Variants in SLC25A25 observed in about 807,000 individuals in gnomAD.
SLC25A25 encodes solute carrier family 25 member 25, also known as mitochondrial adenyl nucleotide antiporter SLC25A25.
SLC25A25 carries 32 observed loss-of-function variants against 57.7 expected under a neutral mutation model. That is an observed-to-expected ratio of 0.55 (90% CI 0.42 to 0.74). The LOEUF (loss-of-function observed/expected upper bound fraction) is 0.74, where lower values mean the gene tolerates loss of function less well. SLC25A25 is among the 30% of genes least tolerant of loss of function. The pLI, the probability that SLC25A25 is intolerant of heterozygous loss-of-function variation, is 0.00. For synonymous variants in SLC25A25, 306 were observed against 291.2 expected, an observed-to-expected ratio of 1.05 and a Z score of -0.52; for missense variants, 556 against 701.3, an observed-to-expected ratio of 0.79 and a Z score of 2.34.
Position 128,076,438 on chromosome 9 carries a change from T to TTTTTA in SLC25A25, c.261+7862_261+7863insATTTT, listed in dbSNP as rs1564177932. 4.4e-3 allele frequency among the ~76,000 whole-genome samples: 595 copies of TTTTTA among 136,190 alleles called. 16 individuals carry two copies. Among genetic ancestry groups the TTTTTA allele is most frequent in the East Asian group, 0.024 (116 of 4,920 alleles). The allele number at this position is 136,190 out of a possible 152,430, so 89.3% of individuals were successfully genotyped here. A position where few individuals can be genotyped will look rare whatever the true frequency, so the allele number is the denominator to read the frequency against. Reference sequence around the variant, plus strand: ...GAGCCACCACGCCCAGCCTAACTTTTTTTTTATTTTTATTTTTATTTTTAT... The same window carrying TTTTTA: ...GAGCCACCACGCCCAGCCTAACTTTTTTTTATTTTTATTTTTATTTTTATTTTTAT... On this transcript the variant is annotated intron_variant, in intron 1 of 10. Transcript: ENST00000373069.
At chr9:128,092,285 A>G (rs1311596476) in intron 1 of SLC25A25, among the ~76,000 whole-genome samples, 2 of 152,166 alleles carry the variant, frequency 1.3e-5, no homozygotes, top group Non-Finnish European at 2.9e-5. Context: ...TGCATTACCC[A>G]CTGCGAGCAC....
At chr9:128,077,595 A>G (rs535035730) in intron 1 of SLC25A25, among the ~76,000 whole-genome samples, 1 of 152,060 alleles carries the variant, frequency 6.6e-6, no homozygotes, top group South Asian at 2.1e-4. Flanking sequence ...AGAAGTCTAC[A>G]GAGACAGAAA....
intron 8 of SLC25A25, 26 bp downstream of exon 8, chr9:128,106,283 C>T (rs544696212): frequency 1.1e-5 from 17 of 1,614,008 alleles, no homozygotes; most frequent in East Asian, 2.2e-5. Flanking sequence ...GGTCCTGGGG[C>T]GGGCAGTGGG....
At chr9:128,077,755 G>C (rs1481151974) in intron 1 of SLC25A25, among the ~76,000 whole-genome samples, 3 of 151,846 alleles carry the variant, frequency 2.0e-5, no homozygotes, top group Non-Finnish European at 4.4e-5. Context: ...GAGAACCACT[G>C]AACTGTATAC....
intron 10 of SLC25A25, 34 bp downstream of exon 10, chr9:128,107,213 C>G: frequency 1.9e-6 from 3 of 1,612,342 alleles, no homozygotes; most frequent in Non-Finnish European, 2.5e-6. Flanking sequence ...CCTGGGAGGT[C>G]GGGGGGAGCG....
intron 1 of SLC25A25, among the ~76,000 whole-genome samples, chr9:128,075,043 G>C (rs1341870621): frequency 6.6e-6 from 1 of 152,182 alleles, no homozygotes; most frequent in East Asian, 1.9e-4. Flanking sequence ...AAGAGGCTGA[G>C]GGAAAATTGC....
At chr9:128,106,565 C>A in intron 9 of SLC25A25, 45 bp downstream of exon 9, 1 of 1,529,396 alleles carries the variant, frequency 6.5e-7, no homozygotes. Flanking sequence ...TCCCAGCACA[C>A]CTCCACCTGC....
At position 128,105,628 on chromosome 9, in the gene SLC25A25, C is replaced by T. The variant is rs116657520; in HGVS notation, c.784-101C>T. On this transcript the variant is annotated intron_variant, in intron 6 of 10. Transcript: ENST00000373069. ...CTTCAAAATGCACGGAAGAAAGGGCCTTCCCTTTGGCCGCAGCCGGTTGGC... is the reference window on the plus strand; with the variant it reads ...CTTCAAAATGCACGGAAGAAAGGGCTTTCCCTTTGGCCGCAGCCGGTTGGC... 6.1e-5 allele frequency: 96 copies of T among 1,567,680 alleles called. No individual in the cohort carries two copies. The African/African-American group carries it at 1.2e-3, about 20-fold the overall frequency.
At chr9:128,093,463 C>T (rs756258540) in intron 1 of SLC25A25, among the ~76,000 whole-genome samples, 7 of 152,200 alleles carry the variant, frequency 4.6e-5, no homozygotes, top group Non-Finnish European at 1.0e-4. Flanking sequence ...TCATACAGTA[C>T]CCCCTTGCCA....
chr9:128,097,111 A>G (rs536625904), intron 1 of SLC25A25, among the ~76,000 whole-genome samples: 1 of 152,348 alleles, frequency 6.6e-6, no homozygotes, highest in African/African-American at 2.4e-5. Flanking sequence ...GTGATCCCCA[A>G]GTAATAACTA....
rs753156452 is a variant in SLC25A25 at position 128,102,455 on chromosome 9, A to G, written c.598A>G (p.Ile200Val). 3.1e-6 allele frequency: 5 copies of G among 1,613,896 alleles called. No homozygotes were observed. The Admixed American group carries it at 5.0e-5, about 16-fold the overall frequency. ...CCACCCCGTGGAAAACATCCCCGAG[A>G]TCATCCTCTACTGGAAGCATTCCAC... The part of the protein sequence containing the change: ...LLHPVENIPE[I>V]ILYWKHSTIF... The change falls in exon 5 of 11, where the codon ATC (isoleucine) becomes GTC (valine). Residue 200 changes from isoleucine to valine, a missense_variant. Around this residue, in one of 3 missense-constraint regions of SLC25A25, gnomAD observed 248 missense variants for 273.5 expected, o/e 0.91. Transcript: ENST00000373069. This position sits in a 1 kb window ranked among gnomAD's most constrained non-coding sequence, Gnocchi z 4.1.
At chr9:128,077,733 C>T (rs4443757) in intron 1 of SLC25A25, among the ~76,000 whole-genome samples, 36,079 of 151,390 alleles carry the variant, frequency 0.24, 5,495 homozygotes, top group African/African-American at 0.43. Flanking sequence ...TGCACATATC[C>T]GTGAAGATAC....
intron 1 of SLC25A25, among the ~76,000 whole-genome samples, chr9:128,079,919 A>C (rs1290466442): frequency 6.6e-6 from 1 of 151,908 alleles, no homozygotes. Flanking sequence ...TGAACCTGGG[A>C]AACAGAGGTT....
At chr9:128,090,809 CTCAA>C (rs534661405) in intron 1 of SLC25A25, among the ~76,000 whole-genome samples, 3 of 152,316 alleles carry the variant, frequency 2.0e-5, no homozygotes, top group Non-Finnish European at 2.9e-5. Context: ...GAGACTCCAT[CTCAA>C]TCAATCAATC....
intron 1 of SLC25A25, among the ~76,000 whole-genome samples, chr9:128,097,288 C>A (rs1833589158): frequency 6.6e-6 from 1 of 152,202 alleles, no homozygotes; most frequent in Non-Finnish European, 1.5e-5. Flanking sequence ...TTCAGGCCGG[C>A]CTGCAGAGAG....
chr9:128,072,671 A>G lies in SLC25A25; in HGVS notation c.261+4091A>G, dbSNP rs10987861. ...CAGGGAAATTTTCTTTGTAAAGGGC[A>G]TGTAAGCGAGAAGCTTGTTCTGGGA... On this transcript the variant is annotated intron_variant, in intron 1 of 10. Coordinates refer to ENST00000373069, the MANE Select transcript of SLC25A25 (RefSeq NM_001330988.2). 7.3e-3 allele frequency among the ~76,000 whole-genome samples: 1,107 copies of G among 152,328 alleles called. 16 individuals carry two copies. The highest frequency in any genetic ancestry group is 1.0e-2 in the Non-Finnish European group (678 of 68,038).
intron 1 of SLC25A25, among the ~76,000 whole-genome samples, chr9:128,087,724 C>G (rs924766150): frequency 6.6e-6 from 1 of 152,138 alleles, no homozygotes; most frequent in African/African-American, 2.4e-5. Flanking sequence ...CACCAGTGCT[C>G]TGTTTGTTTT....
intron 1 of SLC25A25, among the ~76,000 whole-genome samples, chr9:128,073,844 T>C (rs1195674114): frequency 6.6e-6 from 1 of 151,160 alleles, no homozygotes; most frequent in Non-Finnish European, 1.5e-5. Flanking sequence ...AAGCAATTCT[T>C]TGCCTCAGCC....
At chr9:128,070,711 G>A (rs1468857212) in intron 1 of SLC25A25, among the ~76,000 whole-genome samples, 1 of 151,514 alleles carries the variant, frequency 6.6e-6, no homozygotes, top group Non-Finnish European at 1.5e-5. Flanking sequence ...CAGCACTTTG[G>A]GAGGCCAAGC....
Sources: gnomAD v4.1 joint callset for allele counts (sites outside exome capture counted in the v4.1 genomes callset) on GRCh38, gnomAD v4.1.1 for gene constraint, gnomAD v4.1.1 regional missense constraint, Gnocchi (gnomAD v3.1) non-coding constraint, MANE v1.5 for transcripts, NCBI Gene and HGNC (gene_info 2026-07-23, HGNC 2026-07-21) for gene names.